The following IQSEC1 variants were observed in gnomAD, a reference collection of about 807,000 sequenced individuals.
The protein encoded by IQSEC1 is IQ motif and SEC7 domain-containing protein 1.
In IQSEC1, 31 loss-of-function variants were observed where a neutral mutation model predicts 91.0. That is an observed-to-expected ratio of 0.34 (90% CI 0.26 to 0.46). The LOEUF is 0.46. IQSEC1 is among the 20% of genes least tolerant of loss of function. IQSEC1 has a pLI of 1.00. For synonymous variants in IQSEC1, 699 were observed against 662.6 expected (o/e 1.05, Z -0.84); for missense variants, 1,388 against 1,575.6 (o/e 0.88, Z 2.02).
chr3:13,233,760 A>G (rs1400101764), intron 1 of IQSEC1, among the ~76,000 whole-genome samples: 1 of 152,118 alleles, frequency 6.6e-6, no homozygotes, highest in African/African-American at 2.4e-5. Context: ...AGAGGTGCTG[A>G]ACTCCCCAGG....
At chr3:12,939,195 C>T (rs1048450714) in intron 2 of IQSEC1, among the ~76,000 whole-genome samples, 1 of 152,252 alleles carries the variant, frequency 6.6e-6, no homozygotes, top group Non-Finnish European at 1.5e-5. Context: ...AGGGAAGCCG[C>T]TGCCCCAGGG....
At chr3:13,113,178 A>G (rs537548362) in intron 2 of IQSEC1, among the ~76,000 whole-genome samples, 1 of 152,124 alleles carries the variant, frequency 6.6e-6, no homozygotes, top group Admixed American at 6.5e-5. Flanking sequence ...AGCTTGGGGG[A>G]AGCAGAGAGA....
chr3:12,945,002 C>T (rs536067306), intron 1 of IQSEC1, among the ~76,000 whole-genome samples: 1 of 152,350 alleles, frequency 6.6e-6, no homozygotes, highest in East Asian at 1.9e-4. Context: ...GGGCATCCTT[C>T]CCTGATGGTT....
At chr3:13,097,313 G>C (rs1705982242) in intron 2 of IQSEC1, among the ~76,000 whole-genome samples, 1 of 152,194 alleles carries the variant, frequency 6.6e-6, no homozygotes, top group Non-Finnish European at 1.5e-5. Flanking sequence ...ATCCAGATCT[G>C]CCTGACTCCA....
At chr3:13,138,701 G>C (rs1042497992) in intron 2 of IQSEC1, among the ~76,000 whole-genome samples, 3 of 152,038 alleles carry the variant, frequency 2.0e-5, no homozygotes, top group African/African-American at 7.2e-5. Context: ...TGTGCAGCTG[G>C]TCACCCCCAG....
chr3:13,267,213 A>C (rs1016490780), intron 1 of IQSEC1, among the ~76,000 whole-genome samples: 1 of 152,182 alleles, frequency 6.6e-6, no homozygotes, highest in South Asian at 2.1e-4. Flanking sequence ...GACACCATCT[A>C]TAAACTGGAA....
chr3:13,062,048 A>G (rs1313947361), intron 1 of IQSEC1, among the ~76,000 whole-genome samples: 1 of 152,190 alleles, frequency 6.6e-6, no homozygotes, highest in African/African-American at 2.4e-5. Context: ...TGAACAGGAC[A>G]TGGCCACAGG....
At chr3:13,182,242 T>A (rs1276767107) in intron 1 of IQSEC1, among the ~76,000 whole-genome samples, 1 of 152,210 alleles carries the variant, frequency 6.6e-6, no homozygotes, top group Non-Finnish European at 1.5e-5. Context: ...ATCTGACAAT[T>A]TGCTTTTGGC....
At chr3:13,101,716 G>A (rs751682200) in intron 2 of IQSEC1, among the ~76,000 whole-genome samples, 13 of 152,142 alleles carry the variant, frequency 8.5e-5, no homozygotes, top group Non-Finnish European at 1.6e-4. Flanking sequence ...GGGGCCTCCA[G>A]GTAGAAACAT....
intron 1 of IQSEC1, chr3:13,021,889 C>T: frequency 2.2e-6 from 1 of 463,664 alleles, no homozygotes. Context: ...CATTGTTCCA[C>T]TCTCCTCCTC....
At chr3:13,015,481 C>A in intron 1 of IQSEC1, 2 of 805,734 alleles carry the variant, frequency 2.5e-6, no homozygotes, top group Non-Finnish European at 3.0e-6. Context: ...GCCCCCAAGA[C>A]CCTCACCACG....
At chr3:13,068,952 G>A (rs1198008157) in intron 1 of IQSEC1, among the ~76,000 whole-genome samples, 2 of 152,188 alleles carry the variant, frequency 1.3e-5, no homozygotes, top group East Asian at 3.9e-4. Flanking sequence ...CCAGCACTGA[G>A]CTGGACATAC....
chr3:13,048,950 C>T (rs1469392953), intron 1 of IQSEC1, among the ~76,000 whole-genome samples: 1 of 152,202 alleles, frequency 6.6e-6, no homozygotes, highest in Non-Finnish European at 1.5e-5. Context: ...GTGTGGCAGC[C>T]ATGCCTTGCC....
At chr3:12,987,312 A>T (rs1445696474) in intron 1 of IQSEC1, among the ~76,000 whole-genome samples, 6 of 152,168 alleles carry the variant, frequency 3.9e-5, no homozygotes, top group Non-Finnish European at 7.3e-5. Context: ...TTGTAGCGAG[A>T]GGTATGGTAC....
chr3:13,111,348 G>C (rs917061432), intron 2 of IQSEC1, among the ~76,000 whole-genome samples: 1 of 152,216 alleles, frequency 6.6e-6, no homozygotes, highest in Admixed American at 6.5e-5. Context: ...GTGAGGGGCT[G>C]CTGGTGGCTT....
chr3:12,936,793 G>A (rs1260494320), intron 2 of IQSEC1, 96 bp from the exon 3 acceptor site: 4 of 1,254,132 alleles, frequency 3.2e-6, no homozygotes, highest in Non-Finnish European at 4.3e-6. Flanking sequence ...GTGGCTGTGC[G>A]ACCTGGGAAG....
chr3:13,262,425 A>G (rs1381470564), intron 1 of IQSEC1, among the ~76,000 whole-genome samples: 1 of 152,070 alleles, frequency 6.6e-6, no homozygotes, highest in African/African-American at 2.4e-5. Flanking sequence ...GTCTTTACCC[A>G]CCATTCCACT....
At chr3:12,944,150 G>A (rs979290435) in intron 1 of IQSEC1, among the ~76,000 whole-genome samples, 7 of 152,178 alleles carry the variant, frequency 4.6e-5, no homozygotes, top group Non-Finnish European at 8.8e-5. Flanking sequence ...CAAGCCCTCT[G>A]AGGAACACCA....
At chr3:13,080,634 A>C (rs960929635) in intron 2 of IQSEC1, among the ~76,000 whole-genome samples, 4 of 152,114 alleles carry the variant, frequency 2.6e-5, no homozygotes, top group African/African-American at 9.7e-5. Context: ...AAGCCGCTGC[A>C]GGGGTGGGAA....
Sources: gnomAD v4.1 joint callset for allele counts (sites outside exome capture counted in the v4.1 genomes callset) on GRCh38, gnomAD v4.1.1 for gene constraint, MANE v1.5 for transcripts, NCBI Gene and HGNC (gene_info 2026-07-23, HGNC 2026-07-21) for gene names.